DENND1A: variants seen among roughly 807,000 people sequenced by gnomAD.
DENND1A encodes the protein DENN domain-containing protein 1A.
DENND1A carries 51 observed loss-of-function variants against 113.7 expected under a neutral mutation model. The observed-to-expected ratio is 0.45, with a 90% CI of 0.36 to 0.57. The LOEUF (loss-of-function observed/expected upper bound fraction) is 0.57, where lower values mean the gene tolerates loss of function less well. Among genes scored for constraint, DENND1A ranks in the 20% least tolerant of loss-of-function variants. The pLI, the probability that DENND1A is intolerant of heterozygous loss-of-function variation, is 0.00. For synonymous variants in DENND1A, 565 were observed against 570.8 expected, an observed-to-expected ratio of 0.99 and a Z score of 0.14; for missense variants, 1,258 against 1,395.9, an observed-to-expected ratio of 0.90 and a Z score of 1.57.
intron 9 of DENND1A, among the ~76,000 whole-genome samples, chr9:123,641,649 T>C (rs578231318): frequency 7.2e-5 from 11 of 152,290 alleles, no homozygotes; most frequent in African/African-American, 2.6e-4. Context: ...TCGGTACGCA[T>C]AAACATCTTC....
At chr9:123,886,297 CAT>C in intron 1 of DENND1A, among the ~76,000 whole-genome samples, 1 of 151,832 alleles carries the variant, frequency 6.6e-6, no homozygotes, top group South Asian at 2.1e-4. Flanking sequence ...AAAAATGTAA[CAT>C]TAACTCCTCA....
chr9:123,518,037 C>G (rs1229900991), intron 13 of DENND1A, among the ~76,000 whole-genome samples: 2 of 151,618 alleles, frequency 1.3e-5, no homozygotes, highest in African/African-American at 4.8e-5. Flanking sequence ...ACCCTTTTTT[C>G]CTGGCATAAA....
intron 21 of DENND1A, among the ~76,000 whole-genome samples, chr9:123,391,456 G>T (rs1258424991): frequency 2.0e-5 from 3 of 152,164 alleles, no homozygotes; most frequent in African/African-American, 4.8e-5. Flanking sequence ...GCTCAGAGAG[G>T]GGGAGTCACT....
chr9:123,556,488 A>C (rs1003407833), intron 13 of DENND1A, among the ~76,000 whole-genome samples: 3 of 152,248 alleles, frequency 2.0e-5, no homozygotes, highest in Non-Finnish European at 2.9e-5. Flanking sequence ...TCACAATCAG[A>C]ATTTCTATAA....
intron 2 of DENND1A, among the ~76,000 whole-genome samples, chr9:123,802,258 G>A (rs532238632): frequency 3.3e-5 from 5 of 152,060 alleles, no homozygotes; most frequent in African/African-American, 9.7e-5. Context: ...CTACCTCTCC[G>A]CCCACTGGCC....
intron 19 of DENND1A, among the ~76,000 whole-genome samples, chr9:123,420,527 T>A (rs1372424852): frequency 6.6e-6 from 1 of 152,142 alleles, no homozygotes; most frequent in East Asian, 1.9e-4. Context: ...CGCTCAGGAT[T>A]CAGGGGCTCG....
intron 20 of DENND1A, among the ~76,000 whole-genome samples, chr9:123,404,153 A>G (rs1250655663): frequency 1.3e-5 from 2 of 152,158 alleles, no homozygotes; most frequent in African/African-American, 4.8e-5. Flanking sequence ...GGAAGGACCC[A>G]ACTTCCTAAC....
At chr9:123,397,037 T>C (rs984296293) in intron 21 of DENND1A, among the ~76,000 whole-genome samples, 2 of 152,254 alleles carry the variant, frequency 1.3e-5, no homozygotes, top group African/African-American at 4.8e-5. Flanking sequence ...AAGTCTCAGC[T>C]ATTTCTATAA....
intron 12 of DENND1A, among the ~76,000 whole-genome samples, chr9:123,565,003 T>C (rs1385453380): frequency 1.3e-5 from 2 of 148,260 alleles, no homozygotes; most frequent in Non-Finnish European, 3.0e-5. Flanking sequence ...TTTTTTTTTT[T>C]TTCAGATGGA....
At chr9:123,771,693 A>G (rs1204208456) in intron 3 of DENND1A, among the ~76,000 whole-genome samples, 1 of 152,202 alleles carries the variant, frequency 6.6e-6, no homozygotes, top group Admixed American at 6.5e-5. Flanking sequence ...ACTCACTACA[A>G]TATAGAAACT....
At chr9:123,609,347 T>C in intron 11 of DENND1A, 89 bp downstream of exon 11, 2 of 1,442,812 alleles carry the variant, frequency 1.4e-6, no homozygotes, top group East Asian at 2.3e-5. Flanking sequence ...CGTGCAGAGC[T>C]GTGACTGCTG....
Position 123,671,349 on chromosome 9 carries a change from A to C in DENND1A, c.395T>G (p.Leu132Arg). ...KRQENQWNEL[L>R]ETLHKLPIPD... ...GATGGGAAGTTTGTGCAGAGTTTCA[A>C]GAAGCTCATTCCACTGATTTTCCTG... Residue 132 changes from leucine to arginine, a missense_variant, in exon 7 of 24, where the codon CTT (leucine) becomes CGT (arginine). Physicochemically the swap from Leu to Arg is moderately radical, Grantham distance 102 (BLOSUM62 -2). Transcript: ENST00000394215. 6.2e-7 allele frequency: 1 copy of C among 1,614,046 alleles called. No individual in the cohort carries two copies. Among genetic ancestry groups the C allele is most frequent in the Non-Finnish European group, 8.5e-7 (1 of 1,179,992 alleles).
rs969930616 is a variant in DENND1A at position 123,505,530 on chromosome 9, T to G, written c.994-47633A>C. Among the ~76,000 whole-genome samples, 5 of 152,174 alleles carry G rather than the reference T, an allele frequency of 3.3e-5. No individual in the cohort carries two copies. In the East Asian group the frequency reaches 9.6e-4, roughly 29 times the overall value. Reference sequence around the variant, plus strand: ...TAGATATTGTATTTGGGGGGAAAAATGAAATAAAATTATTTCATTAACTAA... The same window carrying G: ...TAGATATTGTATTTGGGGGGAAAAAGGAAATAAAATTATTTCATTAACTAA... On this transcript the variant is annotated intron_variant, in intron 13 of 23. Coordinates refer to ENST00000394215, the MANE Select transcript of DENND1A (RefSeq NM_001352964.2).
At chr9:123,702,199 T>G (rs903435813) in intron 5 of DENND1A, among the ~76,000 whole-genome samples, 1 of 151,978 alleles carries the variant, frequency 6.6e-6, no homozygotes, top group African/African-American at 2.4e-5. Context: ...CAGACCTGAT[T>G]AAGCAGAAGG....
chr9:123,416,327 G>C (rs1355711378), intron 19 of DENND1A, among the ~76,000 whole-genome samples: 4 of 152,182 alleles, frequency 2.6e-5, no homozygotes, highest in African/African-American at 9.7e-5. Flanking sequence ...GAGGTAAAGC[G>C]AGCTGCTCAA....
At chr9:123,912,174 ATTTAAG>A (rs1395276009) in intron 1 of DENND1A, among the ~76,000 whole-genome samples, 1 of 152,218 alleles carries the variant, frequency 6.6e-6, no homozygotes, top group African/African-American at 2.4e-5. Flanking sequence ...ACAGCAAAAA[ATTTAAG>A]TTTAAAAATA....
chr9:123,423,718 C>A (rs191223936), intron 19 of DENND1A, among the ~76,000 whole-genome samples: 1 of 152,262 alleles, frequency 6.6e-6, no homozygotes, highest in East Asian at 1.9e-4. Context: ...TTATACAGTA[C>A]TTCTATTTCC....
chr9:123,822,206 A>G (rs569425132), intron 2 of DENND1A, among the ~76,000 whole-genome samples: 4 of 152,356 alleles, frequency 2.6e-5, no homozygotes, highest in African/African-American at 9.6e-5. Context: ...TAAAGTCACT[A>G]AAGCAATAAA....
At chr9:123,634,960 T>C (rs1166397720) in intron 9 of DENND1A, among the ~76,000 whole-genome samples, 3 of 152,250 alleles carry the variant, frequency 2.0e-5, no homozygotes, top group Admixed American at 1.3e-4. Flanking sequence ...AGGTCATTTA[T>C]ATCTCAGAGC....
Sources: gnomAD v4.1 joint callset for allele counts (sites outside exome capture counted in the v4.1 genomes callset) on GRCh38, gnomAD v4.1.1 for gene constraint, MANE v1.5 for transcripts, NCBI Gene and HGNC (gene_info 2026-07-23, HGNC 2026-07-21) for gene names.